Variants in DIS3L observed in about 807,000 individuals in gnomAD.
DIS3L encodes DIS3 like exosome 3'-5' exoribonuclease.
DIS3L carries 100 observed loss-of-function variants against 120.3 expected under a neutral mutation model. The observed-to-expected ratio is 0.83, with a 90% CI of 0.71 to 0.98. The LOEUF is 0.98. DIS3L is among the 50% of genes least tolerant of loss of function. The probability of loss-of-function intolerance (pLI) is 0.00; values close to 1 mark genes in which losing one functional copy is unlikely to be tolerated. For missense variants in DIS3L, 1,196 were observed against 1,314.2 expected, an observed-to-expected ratio of 0.91 and a Z score of 1.39; for synonymous variants, 426 against 470.6, an observed-to-expected ratio of 0.91 and a Z score of 1.23.
At chr15:66,320,485 T>C (rs548015229) in intron 8 of DIS3L, 86 bp from the exon 9 acceptor site, 2 of 1,448,940 alleles carry the variant, frequency 1.4e-6, no homozygotes, top group Admixed American at 2.5e-5. Flanking sequence ...AACCCAGTAT[T>C]GTTTGCCTCT....
Position 66,323,366 on chromosome 15 carries a change from T to C in DIS3L, c.1575-127T>C, listed in dbSNP as rs1223587230. ...TTATTACCCAGTCTGCTGCACTTTA[T>C]GAAACAGCAACAGCCTTGGGGAATC... On this transcript the variant is annotated intron_variant, in intron 10 of 16. Coordinates refer to ENST00000319212, the MANE Select transcript of DIS3L (RefSeq NM_001143688.3). The C allele has an allele frequency of 4.5e-6, 4 of 886,352 alleles. No homozygotes were observed. The African/African-American group carries it at 4.9e-5, about 11-fold the overall frequency. The allele number at this position is 886,352 out of a possible 1,614,324, so 54.9% of individuals were successfully genotyped here.
At chr15:66,314,433 C>G (rs2092796689) in intron 6 of DIS3L, among the ~76,000 whole-genome samples, 2 of 152,116 alleles carry the variant, frequency 1.3e-5, no homozygotes, top group African/African-American at 4.8e-5. Flanking sequence ...TCTGTGCTGC[C>G]TCAATGTGCT....
intron 3 of DIS3L, among the ~76,000 whole-genome samples, chr15:66,308,086 C>G (rs2092718923): frequency 6.6e-6 from 1 of 152,122 alleles, no homozygotes; most frequent in African/African-American, 2.4e-5. Context: ...GCAGGAGGAT[C>G]ACTTGAGCCT....
At chr15:66,294,394 G>GAT (rs2092562306) in intron 1 of DIS3L, 1 of 985,508 alleles carries the variant, frequency 1.0e-6, no homozygotes, top group African/African-American at 1.7e-5. Context: ...GGATGAGAAT[G>GAT]GGCTGGGGGT....
intron 12 of DIS3L, among the ~76,000 whole-genome samples, chr15:66,327,716 CCT>C (rs200733141): frequency 2.2e-3 from 331 of 152,054 alleles, no homozygotes; most frequent in African/African-American, 7.5e-3. Context: ...TGCACTCCAG[CCT>C]GGGTGACAGA....
intron 2 of DIS3L, among the ~76,000 whole-genome samples, chr15:66,299,605 G>A (rs1215197034): frequency 2.0e-5 from 3 of 151,760 alleles, no homozygotes; most frequent in African/African-American, 4.8e-5. Flanking sequence ...AAAAAAGAAG[G>A]GAGGAGGCTT....
Position 66,329,031 on chromosome 15 carries a change from AACAGGCT to A in DIS3L, c.2266_2272del (p.Arg756CysfsTer32). 1 of 1,614,242 alleles carries A rather than the reference AACAGGCT, an allele frequency of 6.2e-7. No individual in the cohort carries two copies. The highest frequency in any genetic ancestry group is 8.5e-7 in the Non-Finnish European group (1 of 1,180,046). ...GAACGACCCCCACGATCCCATTGTG[AACAGGCT>A]ACTGCGCTCCATGGCCACGCAGGCC... On this transcript the variant is annotated frameshift_variant, in exon 13 of 17. Coordinates refer to ENST00000319212, the MANE Select transcript of DIS3L (RefSeq NM_001143688.3). LOFTEE classifies it high-confidence loss of function.
Position 66,333,244 on chromosome 15 carries a change from C to A in DIS3L, c.3097C>A (p.Leu1033Ile). 1 of 1,614,052 alleles carries A rather than the reference C, an allele frequency of 6.2e-7. No homozygotes were observed. Among genetic ancestry groups the A allele is most frequent in the Non-Finnish European group, 8.5e-7 (1 of 1,180,032 alleles). Residue 1033 changes from leucine to isoleucine, a missense_variant, in exon 17 of 17, where the codon CTA becomes ATA. Physicochemically the swap from Leu to Ile is conservative, Grantham distance 5. Coordinates refer to ENST00000319212, the MANE Select transcript of DIS3L (RefSeq NM_001143688.3). The stretch of plus-strand genomic sequence containing the variant: ...ATATCGCCAAACAAAGGGAAGGAGC[C>A]TATACACACTTCTAGAGGAGATACG... Reference protein sequence around the residue: ...QEYRQTKGRSLYTLLEEIRDL... With the variant: ...QEYRQTKGRSIYTLLEEIRDL...
At chr15:66,312,046 A>T in intron 5 of DIS3L, 146 bp downstream of exon 5, 1 of 919,276 alleles carries the variant, frequency 1.1e-6, no homozygotes, top group Non-Finnish European at 1.6e-6. Flanking sequence ...GTCTCTAGAA[A>T]AAATTTAAAA....
intron 14 of DIS3L, chr15:66,331,304 C>G (rs1233883658): frequency 6.6e-6 from 1 of 152,198 alleles, no homozygotes; most frequent in Non-Finnish European, 1.5e-5. Flanking sequence ...GCCTGTAATC[C>G]CAGCACTTTG....
At chr15:66,332,939 T>G (rs768980087) in intron 16 of DIS3L, 29 bp downstream of exon 16, 2 of 1,580,114 alleles carry the variant, frequency 1.3e-6, no homozygotes, top group South Asian at 2.3e-5. Flanking sequence ...TAAGTATTAT[T>G]AATATTTTAA....
At chr15:66,304,641 C>T (rs531660303) in intron 2 of DIS3L, among the ~76,000 whole-genome samples, 1 of 152,144 alleles carries the variant, frequency 6.6e-6, no homozygotes, top group South Asian at 2.1e-4. Context: ...CGGCTTATGC[C>T]TATAATCCCA....
At chr15:66,306,686 A>G in intron 2 of DIS3L, 138 bp from the exon 3 acceptor site, 1 of 1,251,732 alleles carries the variant, frequency 8.0e-7, no homozygotes, top group Non-Finnish European at 1.1e-6. Context: ...ACTGAGACCA[A>G]TATAAATACA....
chr15:66,313,185 G>C (rs998590361), intron 5 of DIS3L, among the ~76,000 whole-genome samples: 3 of 151,668 alleles, frequency 2.0e-5, no homozygotes, highest in Non-Finnish European at 2.9e-5. Context: ...TAGTAGAGAC[G>C]GGGTTTCACC....
chr15:66,328,933 T>A (rs747350537), intron 12 of DIS3L, 37 bp from the exon 13 acceptor site: 2 of 1,599,314 alleles, frequency 1.3e-6, no homozygotes, highest in East Asian at 4.5e-5. Flanking sequence ...TAAATTACTG[T>A]CTGGGACTAG....
rs1204065302 is a variant in DIS3L at position 66,322,562 on chromosome 15, A to AGTT, written c.1327-124_1327-123insTTG. 13 of 1,423,996 alleles carry AGTT rather than the reference A, an allele frequency of 9.1e-6. No individual in the cohort carries two copies. The African/African-American group carries it at 1.9e-4, about 20-fold the overall frequency. The allele number at this position is 1,423,996 out of a possible 1,614,324, so 88.2% of individuals were successfully genotyped here. ...ATTATTGATCAAAGGAAGCCAACAT[A>AGTT]GGTTGATGAAGAAGGTAATTGAGAA... On this transcript the variant is annotated intron_variant, in intron 9 of 16. Transcript: ENST00000319212.
intron 2 of DIS3L, among the ~76,000 whole-genome samples, chr15:66,306,356 A>T (rs1035703952): frequency 1.3e-5 from 2 of 152,154 alleles, no homozygotes; most frequent in Non-Finnish European, 2.9e-5. Context: ...AAATCCCCAA[A>T]CTTATTTACC....
intron 8 of DIS3L, 137 bp from the exon 9 acceptor site, chr15:66,320,434 C>A: frequency 1.2e-6 from 1 of 850,112 alleles, no homozygotes. Flanking sequence ...AAAAAAAAAC[C>A]CTACCATACA....
chr15:66,317,345 GAAAA>G (rs796186674), intron 7 of DIS3L, among the ~76,000 whole-genome samples: 7 of 135,440 alleles, frequency 5.2e-5, no homozygotes, highest in Non-Finnish European at 8.0e-5. Context: ...ATATTTGTGG[GAAAA>G]AAAAAAAAAA....
Sources: allele counts gnomAD v4.1 joint callset (sites outside exome capture counted in the v4.1 genomes callset), GRCh38; gene constraint gnomAD v4.1.1; transcripts MANE v1.5; gene names NCBI Gene and HGNC (gene_info 2026-07-23, HGNC 2026-07-21).